NBPF12: variants seen among roughly 807,000 people sequenced by gnomAD.
NBPF12 encodes the protein NBPF family member NBPF12.
Under a neutral mutation model 146.4 loss-of-function variants are expected in NBPF12, and 115 were observed. The observed-to-expected ratio is 0.79, with a 90% CI of 0.68 to 0.92. The LOEUF (loss-of-function observed/expected upper bound fraction) is 0.92, where lower values mean the gene tolerates loss of function less well. Among genes scored for constraint, NBPF12 ranks in the 40% least tolerant of loss-of-function variants. NBPF12 has a pLI of 0.00. For missense variants in NBPF12, 1,205 were observed against 1,326.8 expected (o/e 0.91, Z 1.43); for synonymous variants, 385 against 508.9 (o/e 0.76, Z 3.28).
chr1:146,966,083 C>T lies in NBPF12; in HGVS notation c.779-381C>T, dbSNP rs1188647348. ...GATTGTGCCTCTGCACTGCAGCCTGCGCGACAGAGTGAGACTCCGTCTCAA... is the reference window on the plus strand; with the variant it reads ...GATTGTGCCTCTGCACTGCAGCCTGTGCGACAGAGTGAGACTCCGTCTCAA... On this transcript the variant is annotated intron_variant, in intron 8 of 33. Coordinates refer to ENST00000617844, the Ensembl canonical transcript of NBPF12. Among the ~76,000 whole-genome samples, 9 of 150,078 alleles carry T rather than the reference C, an allele frequency of 6.0e-5. No individual in the cohort carries two copies. In the South Asian group the frequency reaches 1.1e-3, roughly 18 times the overall value.
intron 2 of NBPF12, among the ~76,000 whole-genome samples, chr1:146,959,146 A>C (rs1324892073): frequency 1.2e-4 from 12 of 96,332 alleles, no homozygotes; most frequent in African/African-American, 4.6e-4. Flanking sequence ...GGAAAAACAC[A>C]ATCAAACAAA....
At chr1:146,975,222 C>T (rs1656906762) in intron 15 of NBPF12, among the ~76,000 whole-genome samples, 1 of 137,332 alleles carries the variant, frequency 7.3e-6, no homozygotes, top group African/African-American at 2.9e-5. Context: ...TTCTTTCACT[C>T]AATCAATGTT....
At chr1:146,970,160 G>C (rs1553886185) in intron 11 of NBPF12, among the ~76,000 whole-genome samples, 13,184 of 149,706 alleles carry the variant, frequency 0.088, 884 homozygotes, top group East Asian at 0.22. Context: ...AAGTGCTTCA[G>C]ACTGGAGCAC....
chr1:146,987,545 C>A (rs1442309230), intron 25 of NBPF12, among the ~76,000 whole-genome samples: 4 of 151,556 alleles, frequency 2.6e-5, no homozygotes, highest in African/African-American at 9.8e-5. Context: ...AACTTGAGCA[C>A]ATTTTATGGA....
At chr1:146,964,537 G>T in intron 7 of NBPF12, 108 bp downstream of exon 10, 2 of 1,556,756 alleles carry the variant, frequency 1.3e-6, no homozygotes, top group Non-Finnish European at 8.8e-7. Flanking sequence ...CATTCCCTTG[G>T]CCACAGTATG....
At chr1:146,953,903 C>T (rs1655436855) in intron 2 of NBPF12, among the ~76,000 whole-genome samples, 2 of 151,678 alleles carry the variant, frequency 1.3e-5, no homozygotes, top group South Asian at 4.2e-4. Context: ...CAGATAATGA[C>T]TGTGTTTGTT....
intron 2 of NBPF12, among the ~76,000 whole-genome samples, chr1:146,952,353 T>C (rs1436618791): frequency 6.6e-6 from 1 of 152,070 alleles, no homozygotes; most frequent in East Asian, 1.9e-4. Flanking sequence ...TCTCTTCTAT[T>C]CTCTTGCATC....
At chr1:146,971,325 A>G in exon 13 of NBPF12, 1 of 1,612,200 alleles carries the variant, frequency 6.2e-7, no homozygotes, top group South Asian at 1.1e-5. Context: ...AGACAAAGTC[A>G]ACTCATCTCT....
chr1:146,974,679 C>A lies in NBPF12; in HGVS notation c.1802-60C>A. 2 of 605,754 alleles carry A rather than the reference C, an allele frequency of 3.3e-6. 1 individual carries two copies. Among genetic ancestry groups the A allele is most frequent in the East Asian group, 1.1e-4 (2 of 18,706 alleles). The allele number at this position is 605,754 out of a possible 1,614,324, so 37.5% of individuals were successfully genotyped here. A position where few individuals can be genotyped will look rare whatever the true frequency, so the allele number is the denominator to read the frequency against. ...ATGGACCTGGCTCCTGCCCTGTAGG[C>A]AATGACCACAGCAGCATGTCCAGCC... is the stretch of plus-strand genomic sequence containing the variant. On this transcript the variant is annotated intron_variant, in intron 14 of 33. Transcript: ENST00000617844.
At chr1:146,960,823 C>T (rs1423231464) in intron 4 of NBPF12, among the ~76,000 whole-genome samples, 1 of 151,974 alleles carries the variant, frequency 6.6e-6, no homozygotes, top group Non-Finnish European at 1.5e-5. Flanking sequence ...CCTAATAGAA[C>T]CTGTGCTATC....
intron 19 of NBPF12, among the ~76,000 whole-genome samples, chr1:146,980,409 T>C (rs1478987543): frequency 1.6e-4 from 24 of 152,116 alleles, no homozygotes; most frequent in African/African-American, 5.3e-4. Context: ...CTTCCTAGCT[T>C]CAATGGTCTT....
chr1:146,971,358 C>G (rs1656599370), exon 13 of NBPF12: 1 of 1,611,706 alleles, frequency 6.2e-7, no homozygotes, highest in South Asian at 1.1e-5. Flanking sequence ...AGAATCCTCT[C>G]ATGATGAATG....
intron 2 of NBPF12, among the ~76,000 whole-genome samples, chr1:146,959,514 CAA>C (rs1313299846): frequency 1.4e-4 from 9 of 62,712 alleles, no homozygotes; most frequent in African/African-American, 2.5e-4. Context: ...AAAGTCAAAA[CAA>C]GAGAACATAC....
intron 1 of NBPF12, among the ~76,000 whole-genome samples, chr1:146,940,778 G>A (rs1270219396): frequency 6.6e-6 from 1 of 151,960 alleles, no homozygotes; most frequent in Non-Finnish European, 1.5e-5. Context: ...CCTTGCTGAT[G>A]CTTGTCAGTT....
upstream of NBPF12, among the ~76,000 whole-genome samples, chr1:146,949,088 C>T (rs1253199075): frequency 1.6e-4 from 25 of 152,272 alleles, no homozygotes; most frequent in African/African-American, 5.1e-4. Context: ...TCTCCGGAAA[C>T]GCCCGATAAT....
At chr1:146,962,939 G>C (rs1412876568) in intron 5 of NBPF12, among the ~76,000 whole-genome samples, 156 bp from the exon 9 acceptor site, 19 of 151,282 alleles carry the variant, frequency 1.3e-4, no homozygotes, top group African/African-American at 3.4e-4. Context: ...ACCATTTTCT[G>C]TTCTTTCTCT....
chr1:146,962,946 C>A, intron 5 of NBPF12, 149 bp from the exon 9 acceptor site: 1 of 643,196 alleles, frequency 1.6e-6, no homozygotes, highest in South Asian at 1.9e-5. Context: ...TCTGTTCTTT[C>A]TCTTGGCCAC....
At chr1:146,946,512 C>CTT (rs3071268), upstream of NBPF12, among the ~76,000 whole-genome samples, 222 of 41,000 alleles carry the variant, frequency 5.4e-3, 6 homozygotes, top group East Asian at 6.5e-3. Context: ...GATCTTTCAC[C>CTT]TTTTTTTTTT....
chr1:146,939,423 C>G (rs1225558610), intron 1 of NBPF12, among the ~76,000 whole-genome samples: 1 of 151,934 alleles, frequency 6.6e-6, no homozygotes, highest in Non-Finnish European at 1.5e-5. Flanking sequence ...GGCGGTGTCT[C>G]CAGGCTGGTG....
Sources: allele counts gnomAD v4.1 joint callset (sites outside exome capture counted in the v4.1 genomes callset), GRCh38; gene constraint gnomAD v4.1.1; transcripts MANE v1.5; gene names NCBI Gene and HGNC (gene_info 2026-07-23, HGNC 2026-07-21).